LMNB1: variants seen among roughly 807,000 people sequenced by gnomAD.
The protein encoded by LMNB1 is lamin-B1.
A neutral mutation model predicts 67.1 loss-of-function variants in LMNB1; 23 were observed. That is an observed-to-expected ratio of 0.34 (90% CI 0.25 to 0.49). LMNB1 has a LOEUF of 0.49. Among genes scored for constraint, LMNB1 ranks in the 20% least tolerant of loss-of-function variants. The probability of loss-of-function intolerance (pLI) is 0.99; values close to 1 mark genes in which losing one functional copy is unlikely to be tolerated. For missense variants in LMNB1, 634 were observed against 746.5 expected, an observed-to-expected ratio of 0.85 and a Z score of 1.76; for synonymous variants, 281 against 282.9, an observed-to-expected ratio of 0.99 and a Z score of 0.07.
intron 5 of LMNB1, among the ~76,000 whole-genome samples, chr5:126,818,522 G>A (rs1441543872): frequency 1.3e-5 from 2 of 152,148 alleles, no homozygotes; most frequent in African/African-American, 4.8e-5. Flanking sequence ...GATTACAGGC[G>A]TAAGCCACCA....
At chr5:126,796,786 C>CTTTTTTTTTTTTT (rs34534973) in intron 1 of LMNB1, among the ~76,000 whole-genome samples, 4 of 118,746 alleles carry the variant, frequency 3.4e-5, no homozygotes, top group Non-Finnish European at 7.0e-5. Context: ...TTTTTTCTTT[C>CTTTTTTTTTTTTT]TTTTTTTTTT....
chr5:126,836,365 T>TA lies in LMNB1; in HGVS notation c.*102dup. On this transcript the variant is annotated 3_prime_UTR_variant, in exon 11 of 11. Transcript: ENST00000261366. ...GCACAGAATATTTTTATATTTCCTTTATGTGAATTTTTAAGCTGCAAATCT... is the reference window on the plus strand; with the variant it reads ...GCACAGAATATTTTTATATTTCCTTTAATGTGAATTTTTAAGCTGCAAATCT... 1 of 849,806 alleles carries TA rather than the reference T, an allele frequency of 1.2e-6. No homozygotes were observed. Among genetic ancestry groups the TA allele is most frequent in the Non-Finnish European group, 1.9e-6 (1 of 528,638 alleles). The allele number at this position is 849,806 out of a possible 1,614,324, so 52.6% of individuals were successfully genotyped here. A position where few individuals can be genotyped will look rare whatever the true frequency, so the allele number is the denominator to read the frequency against.
chr5:126,821,005 T>C lies in LMNB1; in HGVS notation c.1256T>C (p.Val419Ala). Residue 419 changes from valine to alanine, a missense_variant, in exon 7 of 11, where the codon GTT (valine) becomes GCT (alanine). By Grantham distance (64) the Val-to-Ala change is moderately conservative (BLOSUM62 0). Transcript: ENST00000261366. ...ACAACTAGAGGAAAGCGGAAGAGGG[T>C]TGATGTGGAAGAATCAGAGGCGAGT... ...VRTTRGKRKRVDVEESEASSS... is the reference protein window; with the variant it reads ...VRTTRGKRKRADVEESEASSS... 6.2e-7 allele frequency: 1 copy of C among 1,613,842 alleles called. No homozygotes were observed.
chr5:126,791,498 C>T (rs779779270), intron 1 of LMNB1, among the ~76,000 whole-genome samples: 14 of 151,868 alleles, frequency 9.2e-5, no homozygotes, highest in South Asian at 2.1e-4. Context: ...CTTACCCTTG[C>T]CCAGGCTGGA....
chr5:126,799,409 C>T lies in LMNB1; in HGVS notation c.360-5367C>T, dbSNP rs75971811. On this transcript the variant is annotated intron_variant, in intron 1 of 10. Transcript: ENST00000261366. Reference sequence around the variant, plus strand: ...AATTTGTTTGTGGAGTTAAAGGGCTCACAAGGTAAGGACAGCTGTAAGAAC... The same window carrying T: ...AATTTGTTTGTGGAGTTAAAGGGCTTACAAGGTAAGGACAGCTGTAAGAAC... 2.4e-3 allele frequency among the ~76,000 whole-genome samples: 360 copies of T among 152,328 alleles called. 1 individual carries two copies. The highest frequency in any genetic ancestry group is 7.7e-3 in the African/African-American group (319 of 41,584).
intron 3 of LMNB1, among the ~76,000 whole-genome samples, chr5:126,808,880 A>AT (rs111276109): frequency 0.07 from 10,259 of 145,830 alleles, 406 homozygotes; most frequent in Admixed American, 0.13. Context: ...TCTAATTATT[A>AT]TTTTTTTTTT....
intron 5 of LMNB1, among the ~76,000 whole-genome samples, chr5:126,814,347 A>AT (rs1327528424): frequency 6.6e-6 from 1 of 151,968 alleles, no homozygotes; most frequent in Non-Finnish European, 1.5e-5. Flanking sequence ...CTGTATTATT[A>AT]TTTTTTTGGC....
chr5:126,821,205 G>C, intron 7 of LMNB1, 70 bp downstream of exon 7: 1 of 1,001,586 alleles, frequency 1.0e-6, no homozygotes, highest in Non-Finnish European at 1.6e-6. Context: ...AATTGTCATA[G>C]CTCCTTAGTT....
chr5:126,832,714 A>C lies in LMNB1; in HGVS notation c.1632A>C (p.Thr544=). ...TTTAGGAGGTTGCTCAAAGAAGTAC[A>C]GTCTTTAAAACAACCATACCTGAAG... is the stretch of plus-strand genomic sequence containing the variant. ...SQGEEVAQRS[T]VFKTTIPEEE... The change falls in exon 10 of 11, where the codon ACA becomes ACC. Residue 544 remains threonine, a synonymous_variant. Transcript: ENST00000261366. 1 of 1,612,748 alleles carries C rather than the reference A, an allele frequency of 6.2e-7. No individual in the cohort carries two copies. Among genetic ancestry groups the C allele is most frequent in the Non-Finnish European group, 8.5e-7 (1 of 1,179,034 alleles).
intron 1 of LMNB1, among the ~76,000 whole-genome samples, chr5:126,793,085 C>A (rs1751006052): frequency 2.0e-5 from 3 of 152,150 alleles, no homozygotes; most frequent in African/African-American, 7.2e-5. Context: ...AGGAAGCTGC[C>A]ACTGCTATTG....
chr5:126,798,769 G>GTGTA (rs915214584), intron 1 of LMNB1, among the ~76,000 whole-genome samples: 2 of 151,370 alleles, frequency 1.3e-5, no homozygotes, highest in Non-Finnish European at 2.9e-5. Context: ...AGAAGTGTGT[G>GTGTA]TGTGTGTGTG....
At chr5:126,784,344 T>G (rs925127863) in intron 1 of LMNB1, among the ~76,000 whole-genome samples, 175 of 148,050 alleles carry the variant, frequency 1.2e-3, no homozygotes, top group African/African-American at 3.8e-3. Context: ...TCATTTGAAT[T>G]TTTATTATTT....
chr5:126,799,566 C>T (rs934407001), intron 1 of LMNB1, among the ~76,000 whole-genome samples: 1 of 152,190 alleles, frequency 6.6e-6, no homozygotes, highest in African/African-American at 2.4e-5. Flanking sequence ...GGCCTAGTGC[C>T]TGACCCTGAG....
At chr5:126,821,596 T>A (rs1470503028) in intron 7 of LMNB1, among the ~76,000 whole-genome samples, 4 of 152,230 alleles carry the variant, frequency 2.6e-5, no homozygotes, top group Non-Finnish European at 4.4e-5. Context: ...AATGAACAAA[T>A]GCTAATACTT....
At chr5:126,792,799 C>T (rs575403859) in intron 1 of LMNB1, among the ~76,000 whole-genome samples, 58 of 152,106 alleles carry the variant, frequency 3.8e-4, no homozygotes, top group African/African-American at 1.3e-3. Flanking sequence ...TGGTCTCAAA[C>T]TCCCGACCTC....
intron 3 of LMNB1, among the ~76,000 whole-genome samples, chr5:126,806,489 A>G (rs1426133188): frequency 6.6e-6 from 1 of 152,120 alleles, no homozygotes; most frequent in African/African-American, 2.4e-5. Context: ...GGCTGGAGGA[A>G]TGGCATCTGA....
At chr5:126,793,225 G>T (rs567453526) in intron 1 of LMNB1, among the ~76,000 whole-genome samples, 1 of 151,968 alleles carries the variant, frequency 6.6e-6, no homozygotes, top group African/African-American at 2.4e-5. Flanking sequence ...AGTAGTTATT[G>T]GTTTTTCTTT....
intron 1 of LMNB1, among the ~76,000 whole-genome samples, chr5:126,800,982 A>ATATATATATATTTTTTTTT: frequency 3.2e-4 from 6 of 18,636 alleles, no homozygotes; most frequent in Middle Eastern, 0.056. Context: ...TATATATATA[A>ATATATATATATTTTTTTTT]TTTTTTTTTT....
At chr5:126,832,656 TAA>T (rs1467732992) in intron 9 of LMNB1, 36 bp from the exon 10 acceptor site, 2 of 1,458,852 alleles carry the variant, frequency 1.4e-6, no homozygotes, top group Admixed American at 3.4e-5. Context: ...TTGGTGATTT[TAA>T]GTGTGTTTTT....
Sources: allele counts gnomAD v4.1 joint callset (sites outside exome capture counted in the v4.1 genomes callset), GRCh38; gene constraint gnomAD v4.1.1; transcripts MANE v1.5; gene names NCBI Gene and HGNC (gene_info 2026-07-23, HGNC 2026-07-21).